HDAC9: variants seen among roughly 807,000 people sequenced by gnomAD.
HDAC9 encodes the protein MEF-2 interacting transcription repressor (MITR) protein.
Under a neutral mutation model 139.4 loss-of-function variants are expected in HDAC9, and 41 were observed. That is an observed-to-expected ratio of 0.29 (90% CI 0.23 to 0.38). The LOEUF (loss-of-function observed/expected upper bound fraction) is 0.38. Among genes scored for constraint, HDAC9 ranks in the 10% least tolerant of loss-of-function variants. HDAC9 has a pLI of 1.00. For missense variants in HDAC9, 1,147 were observed against 1,297.0 expected, an observed-to-expected ratio of 0.88 and a Z score of 1.78; for synonymous variants, 517 against 476.2, an observed-to-expected ratio of 1.09 and a Z score of -1.12.
At chr7:18,586,996 A>G (rs1342730920) in intron 3 of HDAC9, among the ~76,000 whole-genome samples, 5 of 150,618 alleles carry the variant, frequency 3.3e-5, no homozygotes, top group Non-Finnish European at 7.4e-5. Context: ...AGAAATGAGT[A>G]AAATGTACAT....
At chr7:18,587,086 G>T (rs1829687311) in intron 3 of HDAC9, among the ~76,000 whole-genome samples, 1 of 151,896 alleles carries the variant, frequency 6.6e-6, no homozygotes, top group Non-Finnish European at 1.5e-5. Flanking sequence ...CTAAATACAG[G>T]GCAATACTGA....
chr7:18,551,923 T>G (rs1457993717), intron 2 of HDAC9, among the ~76,000 whole-genome samples: 4 of 152,210 alleles, frequency 2.6e-5, no homozygotes, highest in Admixed American at 6.5e-5. Flanking sequence ...ATTATTATCT[T>G]AGGAAAAAGA....
intron 1 of HDAC9, among the ~76,000 whole-genome samples, chr7:18,398,476 G>T (rs1159450674): frequency 1.3e-5 from 2 of 151,874 alleles, no homozygotes; most frequent in Non-Finnish European, 2.9e-5. Context: ...TTTTTGTTTT[G>T]TTTTTGTTTC....
intron 2 of HDAC9, among the ~76,000 whole-genome samples, chr7:18,202,290 T>C (rs1046295240): frequency 3.9e-5 from 6 of 152,206 alleles, no homozygotes; most frequent in Non-Finnish European, 7.3e-5. Context: ...ATTTTTCCAA[T>C]GTTTATCTCT....
chr7:18,452,315 A>G (rs548478137), intron 1 of HDAC9, among the ~76,000 whole-genome samples: 2 of 152,142 alleles, frequency 1.3e-5, no homozygotes. Context: ...ATTGTCCAGG[A>G]TACGTCAGTA....
intron 17 of HDAC9, among the ~76,000 whole-genome samples, chr7:18,801,217 T>G (rs1027737527): frequency 3.3e-5 from 5 of 152,118 alleles, no homozygotes; most frequent in African/African-American, 1.2e-4. Context: ...CATTAAATAT[T>G]ATGTTTACTA....
Position 18,975,923 on chromosome 7 carries a change from T to C in HDAC9, c.3140T>C (p.Val1047Ala). The C allele has an allele frequency of 6.2e-7, 1 of 1,613,820 alleles. No individual in the cohort carries two copies. The change falls in exon 25 of 26, where the codon GTG (valine) becomes GCG (alanine). Residue 1047 changes from valine to alanine, a missense_variant. This residue lies in a region of HDAC9 where 407 missense variants were observed against 521.5 expected (regional missense o/e 0.78). Coordinates refer to ENST00000686413, the MANE Select transcript of HDAC9 (RefSeq NM_178425.4). ...GCCCTGGCCTCCCTAACAGTGGATG[T>C]GGAACAGCCCTTTGCTCAGGAAGAC... ...VSALASLTVD[V>A]EQPFAQEDSR...
chr7:18,924,777 G>A (rs1165651439), intron 22 of HDAC9, among the ~76,000 whole-genome samples: 1 of 152,022 alleles, frequency 6.6e-6, no homozygotes, highest in Non-Finnish European at 1.5e-5. Flanking sequence ...TGTGTGTCAG[G>A]TACTATGCTA....
chr7:18,188,537 G>T (rs1038327730), intron 2 of HDAC9, among the ~76,000 whole-genome samples: 3 of 152,138 alleles, frequency 2.0e-5, no homozygotes, highest in African/African-American at 4.8e-5. Context: ...CACAGCAAAA[G>T]AAACTATCAG....
chr7:18,183,520 T>C (rs73317845), intron 2 of HDAC9, among the ~76,000 whole-genome samples: 3,649 of 152,280 alleles, frequency 0.024, 158 homozygotes, highest in African/African-American at 0.082. Context: ...CTTCCTTGGA[T>C]TCCATTTTTT....
At position 18,995,994 on chromosome 7, in the gene HDAC9, G is replaced by A. The variant is rs200472551; in HGVS notation, c.3171-29G>A. On this transcript the variant is annotated intron_variant, in intron 25 of 25. Coordinates refer to ENST00000686413, the MANE Select transcript of HDAC9 (RefSeq NM_178425.4). The stretch of plus-strand genomic sequence containing the variant: ...CAATGTCATTGTGTACTCTTATGCC[G>A]TATTCTGATTGCCTGTTTATTTTTA... The A allele has an allele frequency of 2.1e-5, 33 of 1,565,016 alleles. 1 individual carries two copies. In the Middle Eastern group the frequency reaches 5.7e-4, roughly 27 times the overall value.
At chr7:18,676,180 A>G (rs1382967353) in intron 12 of HDAC9, among the ~76,000 whole-genome samples, 1 of 151,856 alleles carries the variant, frequency 6.6e-6, no homozygotes, top group Non-Finnish European at 1.5e-5. Context: ...CTCTTGTCAT[A>G]TTTGCACTGG....
chr7:18,718,987 G>T (rs1295865117), intron 12 of HDAC9, among the ~76,000 whole-genome samples: 3 of 152,102 alleles, frequency 2.0e-5, no homozygotes, highest in Admixed American at 6.5e-5. Flanking sequence ...GTTGTAAATT[G>T]TTGGGGTTTT....
chr7:18,884,324 A>G (rs1393366573), intron 22 of HDAC9, among the ~76,000 whole-genome samples: 1 of 152,240 alleles, frequency 6.6e-6, no homozygotes, highest in Non-Finnish European at 1.5e-5. Flanking sequence ...CAATCATAAA[A>G]GCATGACAGT....
chr7:18,808,757 A>G (rs1793935662), intron 17 of HDAC9, among the ~76,000 whole-genome samples: 1 of 152,080 alleles, frequency 6.6e-6, no homozygotes, highest in Non-Finnish European at 1.5e-5. Flanking sequence ...CAAAATTTCA[A>G]TGACATTTTT....
chr7:18,119,546 A>T (rs17663065), intron 1 of HDAC9, among the ~76,000 whole-genome samples: 6,716 of 152,310 alleles, frequency 0.044, 185 homozygotes, highest in Non-Finnish European at 0.061. Flanking sequence ...TCTTCTGAAG[A>T]ACTGTTCAGC....
chr7:18,741,973 A>G (rs1364920859), intron 13 of HDAC9, among the ~76,000 whole-genome samples: 2 of 152,342 alleles, frequency 1.3e-5, no homozygotes, highest in African/African-American at 4.8e-5. Flanking sequence ...ACTTGAATTA[A>G]TAAGGAGTTA....
intron 24 of HDAC9, among the ~76,000 whole-genome samples, chr7:18,960,128 T>G (rs929680258): frequency 1.3e-5 from 2 of 152,076 alleles, no homozygotes; most frequent in African/African-American, 4.8e-5. Flanking sequence ...TGGACATGAT[T>G]TCCTTTGTTG....
chr7:18,980,745 C>CTTCTTCCTTCTT (rs1291935441), intron 25 of HDAC9, among the ~76,000 whole-genome samples: 1 of 32,680 alleles, frequency 3.1e-5, no homozygotes, highest in Non-Finnish European at 6.8e-5. Flanking sequence ...TCTTCTTCTT[C>CTTCTTCCTTCTT]CTTCTTCTTC....
Sources: gnomAD v4.1 joint callset for allele counts (sites outside exome capture counted in the v4.1 genomes callset) on GRCh38, gnomAD v4.1.1 for gene constraint, gnomAD v4.1.1 regional missense constraint, MANE v1.5 for transcripts, NCBI Gene and HGNC (gene_info 2026-07-23, HGNC 2026-07-21) for gene names.